NRXN3: variants seen among roughly 807,000 people sequenced by gnomAD.
NRXN3 encodes neurexin 3, also known as neurexin III.
In NRXN3, 32 loss-of-function variants were observed where a neutral mutation model predicts 137.6. That is an observed-to-expected ratio of 0.23 (90% CI 0.18 to 0.31). NRXN3 has a LOEUF of 0.31. Among genes scored for constraint, NRXN3 ranks in the 10% least tolerant of loss-of-function variants. NRXN3 has a pLI of 1.00. For synonymous variants in NRXN3, 798 were observed against 784.5 expected (o/e 1.02, Z -0.29); for missense variants, 1,574 against 2,062.5 (o/e 0.76, Z 4.59).
chr14:78,452,289 T>C (rs1393193571), intron 4 of NRXN3, among the ~76,000 whole-genome samples: 1 of 152,236 alleles, frequency 6.6e-6, no homozygotes, highest in Non-Finnish European at 1.5e-5. Context: ...TTGATCTTCT[T>C]ATATTTAAAG....
rs374407933 is a variant in NRXN3 at position 78,967,301 on chromosome 14, C to A, written c.2871C>A (p.Val957=). Residue 957 remains valine (V), a synonymous_variant, in exon 13 of 21, where the codon GTC becomes GTA. Transcript: ENST00000335750. ...RPLNDNQWHN[V]VITRDNSNTH... is the part of the protein sequence containing the mutation. ...TGAATGACAACCAGTGGCACAATGT[C>A]GTCATCACTCGGGACAATAGTAACA... 8 of 1,613,494 alleles carry A rather than the reference C, an allele frequency of 5.0e-6. No homozygotes were observed. The highest frequency in any genetic ancestry group is 1.6e-4 in the Middle Eastern group (1 of 6,080).
chr14:79,720,212 G>A (rs556052994), intron 19 of NRXN3, among the ~76,000 whole-genome samples: 52 of 152,172 alleles, frequency 3.4e-4, no homozygotes, highest in African/African-American at 1.2e-3. Context: ...GTGTGTGCAG[G>A]CGAGCTCCCA....
At chr14:79,758,648 A>C (rs1395403013) in intron 19 of NRXN3, among the ~76,000 whole-genome samples, 6 of 152,298 alleles carry the variant, frequency 3.9e-5, no homozygotes, top group Non-Finnish European at 7.4e-5. Flanking sequence ...GGTGAACTGC[A>C]CAAGGATACT....
At chr14:79,165,195 A>T in intron 15 of NRXN3, among the ~76,000 whole-genome samples, 1 of 152,014 alleles carries the variant, frequency 6.6e-6, no homozygotes, top group East Asian at 1.9e-4. Flanking sequence ...GGAATGTAGC[A>T]TATGCTTGCC....
chr14:79,712,607 C>CTTTG (rs1295411741), intron 19 of NRXN3, among the ~76,000 whole-genome samples: 2 of 152,272 alleles, frequency 1.3e-5, no homozygotes, highest in Middle Eastern at 6.8e-3. Context: ...TCCTGTAACT[C>CTTTG]TTTGTTTGTT....
At chr14:79,614,196 T>A (rs1374171074) in intron 16 of NRXN3, among the ~76,000 whole-genome samples, 2 of 152,212 alleles carry the variant, frequency 1.3e-5, no homozygotes, top group Non-Finnish European at 2.9e-5. Context: ...TCCGTTGAGA[T>A]AGAACACACA....
At chr14:78,810,267 T>C (rs770355296) in intron 9 of NRXN3, 51 bp from the exon 10 acceptor site, 1 of 1,197,706 alleles carries the variant, frequency 8.3e-7, no homozygotes, top group Non-Finnish European at 1.2e-6. Flanking sequence ...TGTCTGCAGC[T>C]GTTACCTTGA....
At chr14:79,638,756 G>A (rs1409810880) in intron 16 of NRXN3, among the ~76,000 whole-genome samples, 1 of 152,220 alleles carries the variant, frequency 6.6e-6, no homozygotes, top group African/African-American at 2.4e-5. Flanking sequence ...GTAGAGTTTG[G>A]ATTGGGGAAC....
chr14:78,481,181 A>G (rs554010008), intron 4 of NRXN3, among the ~76,000 whole-genome samples: 2 of 152,350 alleles, frequency 1.3e-5, no homozygotes, highest in African/African-American at 4.8e-5. Flanking sequence ...CAGAGTCCAC[A>G]GGTAAGAGGG....
intron 16 of NRXN3, among the ~76,000 whole-genome samples, chr14:79,564,246 G>A (rs944018682): frequency 2.0e-5 from 3 of 151,886 alleles, no homozygotes; most frequent in African/African-American, 7.3e-5. Flanking sequence ...AAGTTTATAG[G>A]TGTGCTGACC....
intron 6 of NRXN3, among the ~76,000 whole-genome samples, chr14:78,707,558 C>A (rs536188044): frequency 1.1e-4 from 17 of 152,244 alleles, no homozygotes; most frequent in Admixed American, 9.8e-4. Context: ...AAAGTCATAA[C>A]AGATTTTTTT....
chr14:78,623,851 C>T (rs114993915), intron 4 of NRXN3, among the ~76,000 whole-genome samples: 2,182 of 152,234 alleles, frequency 0.014, 35 homozygotes, highest in African/African-American at 0.038. Flanking sequence ...TACAGTCATG[C>T]GTGAGCCATG....
chr14:78,606,881 G>A (rs1001359772), intron 4 of NRXN3, among the ~76,000 whole-genome samples: 55 of 152,146 alleles, frequency 3.6e-4, no homozygotes, highest in African/African-American at 1.2e-3. Context: ...TTTAAGTAAC[G>A]TATAAACCTA....
At chr14:79,604,511 A>C (rs1422891174) in intron 16 of NRXN3, among the ~76,000 whole-genome samples, 4 of 148,340 alleles carry the variant, frequency 2.7e-5, no homozygotes, top group African/African-American at 7.5e-5. Flanking sequence ...GTAGGATTAC[A>C]GGCATGAGCC....
At chr14:78,400,463 T>C (rs1014007913) in intron 4 of NRXN3, among the ~76,000 whole-genome samples, 5 of 152,226 alleles carry the variant, frequency 3.3e-5, no homozygotes, top group Admixed American at 2.6e-4. Flanking sequence ...TAGCTGTCAG[T>C]CTATTAACTC....
intron 16 of NRXN3, among the ~76,000 whole-genome samples, chr14:79,489,038 A>G (rs1469415578): frequency 6.6e-6 from 1 of 152,198 alleles, no homozygotes; most frequent in Non-Finnish European, 1.5e-5. Context: ...ATTAAATATG[A>G]TCACATATGC....
intron 4 of NRXN3, among the ~76,000 whole-genome samples, chr14:78,605,170 T>G (rs542809718): frequency 4.3e-4 from 65 of 152,312 alleles, no homozygotes; most frequent in Admixed American, 2.7e-3. Context: ...TTTTGAGTTT[T>G]AAGTCATCAT....
intron 10 of NRXN3, among the ~76,000 whole-genome samples, chr14:78,933,405 A>G (rs745686282): frequency 2.6e-5 from 4 of 152,180 alleles, no homozygotes; most frequent in Admixed American, 6.5e-5. Flanking sequence ...AGCACAGTAT[A>G]CTTCCTGTTT....
At chr14:79,725,976 A>T (rs2098885987) in intron 19 of NRXN3, among the ~76,000 whole-genome samples, 1 of 152,124 alleles carries the variant, frequency 6.6e-6, no homozygotes, top group Non-Finnish European at 1.5e-5. Flanking sequence ...CTGTCAGATG[A>T]TTCCCACAGT....
Sources: gnomAD v4.1 joint callset for allele counts (sites outside exome capture counted in the v4.1 genomes callset) on GRCh38, gnomAD v4.1.1 for gene constraint, MANE v1.5 for transcripts, NCBI Gene and HGNC (gene_info 2026-07-23, HGNC 2026-07-21) for gene names.